The following CCDC85A variants were observed in gnomAD, a reference collection of about 807,000 sequenced individuals.
The protein encoded by CCDC85A is coiled-coil domain-containing protein 85A.
In CCDC85A, 38 loss-of-function variants were observed where a neutral mutation model predicts 50.2. The ratio of observed to expected loss-of-function variants is 0.76; its 90% CI spans 0.58 to 0.99. The LOEUF is 0.99. Ranked by LOEUF, CCDC85A falls within the 50% of genes least tolerant of loss-of-function variation. The probability of loss-of-function intolerance (pLI) is 0.00; values close to 1 mark genes in which losing one functional copy is unlikely to be tolerated. For synonymous variants in CCDC85A, 366 were observed against 301.4 expected, an observed-to-expected ratio of 1.21 and a Z score of -2.22; for missense variants, 820 against 742.0, an observed-to-expected ratio of 1.11 and a Z score of -1.22.
intron 1 of CCDC85A, among the ~76,000 whole-genome samples, chr2:56,191,155 G>A (rs991571229): frequency 2.0e-5 from 3 of 152,156 alleles, no homozygotes; most frequent in Non-Finnish European, 2.9e-5. Flanking sequence ...CCACCCAGGT[G>A]CCTGCTCAAA....
At chr2:56,201,867 G>C (rs769808258) in intron 2 of CCDC85A, among the ~76,000 whole-genome samples, 4 of 152,060 alleles carry the variant, frequency 2.6e-5, no homozygotes, top group Non-Finnish European at 4.4e-5. Flanking sequence ...CTTTATGTTA[G>C]AGCTGTGACG....
chr2:56,216,378 A>G, intron 2 of CCDC85A, among the ~76,000 whole-genome samples: 1 of 151,714 alleles, frequency 6.6e-6, no homozygotes, highest in East Asian at 1.9e-4. Flanking sequence ...ACCAACAACG[A>G]CTATATATAT....
chr2:56,229,722 A>G (rs978940267), intron 2 of CCDC85A, among the ~76,000 whole-genome samples: 1 of 152,156 alleles, frequency 6.6e-6, no homozygotes, highest in Non-Finnish European at 1.5e-5. Flanking sequence ...AGCCGGATCT[A>G]TATGTCTAGA....
chr2:56,196,037 T>G (rs894875214), intron 2 of CCDC85A, among the ~76,000 whole-genome samples: 5 of 152,194 alleles, frequency 3.3e-5, no homozygotes, highest in Non-Finnish European at 7.4e-5. Context: ...TAAATCTTCT[T>G]GTGCTTATAA....
Position 56,342,955 on chromosome 2 carries a change from G to A in CCDC85A, c.1317G>A (p.Gln439=). 1 of 1,587,702 alleles carries A rather than the reference G, an allele frequency of 6.3e-7. No individual in the cohort carries two copies. The highest frequency in any genetic ancestry group is 1.1e-5 in the South Asian group (1 of 87,118). ...AGGAAGAAAATCGCATGCTGCCCCA[G>A]GTGGGTGACTTCCAGAAGCTCATAG... ...QLEEENRMLP[Q]ASQNRRQPPT... Residue 439 remains glutamine, a splice_region_variant and synonymous_variant, in exon 3 of 6, where the codon CAG becomes CAA. Coordinates refer to ENST00000407595, the MANE Select transcript of CCDC85A (RefSeq NM_001080433.2).
chr2:56,349,522 A>C (rs939228107), intron 3 of CCDC85A, among the ~76,000 whole-genome samples: 1 of 152,176 alleles, frequency 6.6e-6, no homozygotes, highest in Non-Finnish European at 1.5e-5. Context: ...CACAGGAAAA[A>C]TGTGTAAGGC....
Position 56,192,621 on chromosome 2 carries a change from G to A in CCDC85A, c.421G>A (p.Val141Met), listed in dbSNP as rs754412262. The change falls in exon 2 of 6, where the codon GTG (valine) becomes ATG (methionine). Residue 141 changes from valine to methionine, a missense_variant. Physicochemically the swap from Val to Met is conservative, Grantham distance 21 (BLOSUM62 1). Transcript: ENST00000407595. The surrounding 1 kb of genome is among the most constrained non-coding windows in gnomAD (Gnocchi z 4.7). ...CACTGCCGGGGTGATGCACAAGGAA[G>A]TGGCCTTATACCTGCAGAAGCTGAA... Reference protein sequence around the residue: ...RYTAGVMHKEVALYLQKLKDL... With the variant: ...RYTAGVMHKEMALYLQKLKDL... 1.2e-6 allele frequency: 2 copies of A among 1,613,966 alleles called. No individual in the cohort carries two copies. Among genetic ancestry groups the A allele is most frequent in the South Asian group, 2.2e-5 (2 of 91,082 alleles).
chr2:56,267,896 A>T (rs1182857237), intron 2 of CCDC85A, among the ~76,000 whole-genome samples: 3 of 152,194 alleles, frequency 2.0e-5, no homozygotes, highest in African/African-American at 7.2e-5. Flanking sequence ...AGACCTCATT[A>T]TGTTTGGTGT....
At chr2:56,239,373 G>A (rs1292342542) in intron 2 of CCDC85A, among the ~76,000 whole-genome samples, 14 of 152,004 alleles carry the variant, frequency 9.2e-5, no homozygotes, top group African/African-American at 1.2e-4. Flanking sequence ...GAAACCTGGC[G>A]GACTAAAGCC....
chr2:56,217,418 T>C (rs2103896219), intron 2 of CCDC85A, among the ~76,000 whole-genome samples: 1 of 152,062 alleles, frequency 6.6e-6, no homozygotes, highest in South Asian at 2.1e-4. Context: ...ACTGTGTAAG[T>C]TTCTTCTATC....
At chr2:56,286,331 T>C (rs113009728) in intron 2 of CCDC85A, among the ~76,000 whole-genome samples, 136 of 152,338 alleles carry the variant, frequency 8.9e-4, no homozygotes, top group African/African-American at 3.1e-3. Flanking sequence ...TCTTTTCTTT[T>C]TCTGTCAGCT....
At chr2:56,266,441 T>G (rs1377355675) in intron 2 of CCDC85A, among the ~76,000 whole-genome samples, 4 of 152,148 alleles carry the variant, frequency 2.6e-5, no homozygotes, top group Non-Finnish European at 5.9e-5. Flanking sequence ...CAGTGGATTC[T>G]CAGGACAAAG....
At chr2:56,324,565 A>G (rs1673371439) in intron 2 of CCDC85A, among the ~76,000 whole-genome samples, 1 of 152,120 alleles carries the variant, frequency 6.6e-6, no homozygotes, top group Admixed American at 6.6e-5. Flanking sequence ...ATTATTTTTA[A>G]TTAGAATGTC....
chr2:56,282,657 G>A (rs1671255664), intron 2 of CCDC85A, among the ~76,000 whole-genome samples: 2 of 152,196 alleles, frequency 1.3e-5, no homozygotes, highest in South Asian at 4.1e-4. Context: ...TTACAGGCAT[G>A]CGGCACCATG....
chr2:56,362,279 G>A (rs1675566281), intron 3 of CCDC85A, among the ~76,000 whole-genome samples: 1 of 152,112 alleles, frequency 6.6e-6, no homozygotes, highest in Non-Finnish European at 1.5e-5. Flanking sequence ...AGGTTAGGAG[G>A]TGCAGGGGAA....
At chr2:56,358,530 G>A (rs6739245) in intron 3 of CCDC85A, among the ~76,000 whole-genome samples, 6,103 of 152,194 alleles carry the variant, frequency 0.04, 400 homozygotes, top group African/African-American at 0.14. Context: ...GAGCCAGGTA[G>A]TAAATATTTT....
Position 56,193,076 on chromosome 2 carries a change from G to C in CCDC85A, c.876G>C (p.Gln292His), listed in dbSNP as rs1676370421. Reference protein sequence around the residue: ...HKPLCKGSPEQQRHPHPGSSP... With the variant: ...HKPLCKGSPEHQRHPHPGSSP... Reference sequence around the variant, plus strand: ...CCTTGTGCAAGGGCAGCCCCGAACAGCAAAGGCACCCGCATCCAGGGAGCA... The same window carrying C: ...CCTTGTGCAAGGGCAGCCCCGAACACCAAAGGCACCCGCATCCAGGGAGCA... Residue 292 changes from glutamine (Q) to histidine (H), a missense_variant, in exon 2 of 6, where the codon CAG (glutamine) becomes CAC (histidine). Coordinates refer to ENST00000407595, the MANE Select transcript of CCDC85A (RefSeq NM_001080433.2). 1.2e-6 allele frequency: 2 copies of C among 1,613,328 alleles called. No individual in the cohort carries two copies.
rs1489826288 is a variant in CCDC85A at position 56,384,355 on chromosome 2, A to G, written c.1662A>G (p.Ter554TrpextTer15). 6.2e-7 allele frequency: 1 copy of G among 1,609,856 alleles called. No homozygotes were observed. Among genetic ancestry groups the G allele is most frequent in the Non-Finnish European group, 8.5e-7 (1 of 1,177,012 alleles). ...LSGNQYKGPM* is the reference protein window; with the variant it reads ...LSGNQYKGPMW ...GAAACCAGTACAAAGGACCAATGTGAGATGCACTCTTTTTCAAACAGGAGA... is the reference window on the plus strand; with the variant it reads ...GAAACCAGTACAAAGGACCAATGTGGGATGCACTCTTTTTCAAACAGGAGA... The change falls in exon 6 of 6, where the codon TGA (stop) becomes TGG (tryptophan). Residue 554 changes from the stop codon to tryptophan, a stop_lost. Coordinates refer to ENST00000407595, the MANE Select transcript of CCDC85A (RefSeq NM_001080433.2).
intron 2 of CCDC85A, among the ~76,000 whole-genome samples, chr2:56,278,956 G>A (rs1209922221): frequency 6.6e-6 from 1 of 152,200 alleles, no homozygotes; most frequent in Non-Finnish European, 1.5e-5. Context: ...GGAGGCACGA[G>A]GGGGAAGGAA....
Sources: allele counts gnomAD v4.1 joint callset (sites outside exome capture counted in the v4.1 genomes callset), GRCh38; gene constraint gnomAD v4.1.1; non-coding constraint Gnocchi (gnomAD v3.1); transcripts MANE v1.5; gene names NCBI Gene and HGNC (gene_info 2026-07-23, HGNC 2026-07-21).